The following MPDZ variants were observed in gnomAD, a reference collection of about 807,000 sequenced individuals.
MPDZ encodes multiple PDZ domain crumbs cell polarity complex component, also known as multiple PDZ domain protein.
Under a neutral mutation model 239.1 loss-of-function variants are expected in MPDZ, and 234 were observed. The ratio of observed to expected loss-of-function variants is 0.98; its 90% CI spans 0.88 to 1.09. MPDZ has a LOEUF of 1.09. MPDZ is among the 50% of genes least tolerant of loss of function. The probability of loss-of-function intolerance (pLI) is 0.00; values close to 1 mark genes in which losing one functional copy is unlikely to be tolerated. For synonymous variants in MPDZ, 1,048 were observed against 881.3 expected (o/e 1.19, Z -3.35); for missense variants, 3,175 against 2,510.0 (o/e 1.26, Z -5.66).
At chr9:13,224,190 T>G (rs1445264202) in intron 4 of MPDZ, among the ~76,000 whole-genome samples, 184 bp downstream of exon 4, 1 of 152,072 alleles carries the variant, frequency 6.6e-6, no homozygotes, top group East Asian at 1.9e-4. Flanking sequence ...ATACTCAAAT[T>G]TAAATGATGA....
rs564088416 is a variant in MPDZ, at chr9:13,126,062, A to C, written c.4632+454T>G. Among the ~76,000 whole-genome samples the C allele has an allele frequency of 8.5e-5, 13 of 152,202 alleles. 1 individual carries two copies. Among genetic ancestry groups the C allele is most frequent in the African/African-American group, 3.1e-4 (13 of 41,462 alleles). ...ATAAAAGGCCTCAAATGAGATACCAAATAAGTATTAAGATCTCTTTTGAGG... is the reference window on the plus strand; with the variant it reads ...ATAAAAGGCCTCAAATGAGATACCACATAAGTATTAAGATCTCTTTTGAGG... On this transcript the variant is annotated intron_variant, in intron 34 of 46. Coordinates refer to ENST00000319217, the MANE Select transcript of MPDZ (RefSeq NM_001378778.1).
rs1323909233 is a variant in MPDZ at position 13,160,922 on chromosome 9, A to G, written c.3359+1769T>C. 5.7e-5 allele frequency among the ~76,000 whole-genome samples: 8 copies of G among 139,878 alleles called. No homozygotes were observed. The East Asian group carries it at 1.8e-3, about 31-fold the overall frequency. The allele number at this position is 139,878 out of a possible 152,430, so 91.8% of individuals were successfully genotyped here. The stretch of plus-strand genomic sequence containing the variant: ...TTGTATTAGGTATTATAAGGAATCT[A>G]GAGATGATTTAAACTATATGGGAGA... On this transcript the variant is annotated intron_variant, in intron 23 of 46. Transcript: ENST00000319217.
intron 17 of MPDZ, among the ~76,000 whole-genome samples, chr9:13,186,668 AT>A (rs536684901): frequency 3.9e-4 from 59 of 151,942 alleles, no homozygotes; most frequent in Non-Finnish European, 7.6e-4. Context: ...TCTTATAAGA[AT>A]TTTTTTAAAT....
intron 30 of MPDZ, 118 bp downstream of exon 30, chr9:13,136,593 TG>T: frequency 1.4e-6 from 1 of 701,740 alleles, no homozygotes; most frequent in Non-Finnish European, 2.5e-6. Flanking sequence ...CCCAAAGTGC[TG>T]GGATTACAGG....
At chr9:13,250,668 A>C (rs1967710104) in intron 1 of MPDZ, among the ~76,000 whole-genome samples, 1 of 152,208 alleles carries the variant, frequency 6.6e-6, no homozygotes, top group Non-Finnish European at 1.5e-5. Context: ...CTCAGTACAG[A>C]CCACTATAAT....
chr9:13,239,595 T>C (rs1964883527), intron 3 of MPDZ, among the ~76,000 whole-genome samples: 1 of 152,102 alleles, frequency 6.6e-6, no homozygotes. Flanking sequence ...TTTACTTAAG[T>C]TAAAAACTAG....
chr9:13,222,162 A>C (rs939672612), intron 6 of MPDZ, 71 bp downstream of exon 6: 2 of 1,280,348 alleles, frequency 1.6e-6, no homozygotes, highest in African/African-American at 3.0e-5. Context: ...TACACAAATT[A>C]GAAACTTGGA....
intron 22 of MPDZ, among the ~76,000 whole-genome samples, chr9:13,167,872 C>T (rs1215334082): frequency 2.0e-5 from 3 of 152,110 alleles, no homozygotes; most frequent in Non-Finnish European, 4.4e-5. Flanking sequence ...ACATATTGGT[C>T]TATCCCCTGG....
intron 2 of MPDZ, among the ~76,000 whole-genome samples, chr9:13,249,104 T>TCACACACACACA (rs199752806): frequency 7.5e-5 from 11 of 145,904 alleles, no homozygotes; most frequent in African/African-American, 2.5e-4. Flanking sequence ...GATCATGGGT[T>TCACACACACACA]CACACACACA....
At chr9:13,258,942 T>G (rs117321940) in intron 1 of MPDZ, among the ~76,000 whole-genome samples, 3,531 of 152,076 alleles carry the variant, frequency 0.023, 63 homozygotes, top group Non-Finnish European at 0.033. Flanking sequence ...GCCAGATAAA[T>G]TACCTGAAAT....
chr9:13,169,160 A>T (rs977783465), intron 21 of MPDZ, among the ~76,000 whole-genome samples: 4 of 152,110 alleles, frequency 2.6e-5, no homozygotes, highest in African/African-American at 9.7e-5. Context: ...AAAGTATAAC[A>T]GTTTGTTGAA....
chr9:13,112,957 T>A, intron 42 of MPDZ, 54 bp downstream of exon 42: 3 of 1,461,748 alleles, frequency 2.1e-6, no homozygotes, highest in East Asian at 2.4e-5. Context: ...AAAACACATA[T>A]GAAGATGTCT....
chr9:13,214,874 G>A lies in MPDZ; in HGVS notation c.1290+1900C>T, dbSNP rs1958092765. On this transcript the variant is annotated intron_variant, in intron 10 of 46. Transcript: ENST00000319217. ...TAGTGTAGATCTGAAGAGGTGAACA[G>A]GTGTAGGTAGGAGTTTCACAGAACA... 1.7e-5 allele frequency among the ~76,000 whole-genome samples: 2 copies of A among 119,998 alleles called. 1 individual carries two copies. The highest frequency in any genetic ancestry group is 5.2e-4 in the South Asian group (2 of 3,810). The allele number at this position is 119,998 out of a possible 152,430, so 78.7% of individuals were successfully genotyped here.
At chr9:13,156,226 T>C (rs954481306) in intron 24 of MPDZ, among the ~76,000 whole-genome samples, 1 of 152,274 alleles carries the variant, frequency 6.6e-6, no homozygotes, top group African/African-American at 2.4e-5. Context: ...AGCAGAGACC[T>C]AGCAGAGATT....
intron 12 of MPDZ, among the ~76,000 whole-genome samples, chr9:13,202,404 C>A (rs572227497): frequency 6.6e-6 from 1 of 152,246 alleles, no homozygotes; most frequent in African/African-American, 2.4e-5. Flanking sequence ...CATGAGAGCA[C>A]CAGGATTTTG....
chr9:13,252,567 G>A (rs151247861), intron 1 of MPDZ, among the ~76,000 whole-genome samples: 555 of 30,566 alleles, frequency 0.018, 8 homozygotes, highest in African/African-American at 0.048. Context: ...TCTGTCCCCC[G>A]CAAAAAAAAA....
intron 38 of MPDZ, chr9:13,119,877 A>G: frequency 1.9e-6 from 1 of 533,022 alleles, no homozygotes; most frequent in Admixed American, 3.2e-5. Flanking sequence ...AAGCATATTT[A>G]TTCTTCATCA....
chr9:13,246,108 A>G (rs13298259), intron 3 of MPDZ, among the ~76,000 whole-genome samples: 17,987 of 152,212 alleles, frequency 0.12, 1,178 homozygotes, highest in Non-Finnish European at 0.14. Flanking sequence ...TATTTGGGAT[A>G]CTGGTTTCTC....
chr9:13,256,154 C>T (rs1588148796), intron 1 of MPDZ, among the ~76,000 whole-genome samples: 1 of 152,310 alleles, frequency 6.6e-6, no homozygotes, highest in East Asian at 1.9e-4. Flanking sequence ...CCTCTGCTAG[C>T]TTCCAACATT....
Sources: allele counts gnomAD v4.1 joint callset (sites outside exome capture counted in the v4.1 genomes callset), GRCh38; gene constraint gnomAD v4.1.1; transcripts MANE v1.5; gene names NCBI Gene and HGNC (gene_info 2026-07-23, HGNC 2026-07-21).